Variants in PTPRD observed in about 807,000 individuals in gnomAD.
PTPRD encodes protein tyrosine phosphatase receptor type D.
PTPRD carries 34 observed loss-of-function variants against 214.5 expected under a neutral mutation model. That is an observed-to-expected ratio of 0.16 (90% confidence interval 0.12 to 0.21). The LOEUF (loss-of-function observed/expected upper bound fraction) is 0.21. Ranked by LOEUF, PTPRD falls within the 10% of genes least tolerant of loss-of-function variation. The pLI is 1.00. For missense variants in PTPRD, 2,545 were observed against 2,398.7 expected, an observed-to-expected ratio of 1.06 and a Z score of -1.27; for synonymous variants, 1,128 against 845.7, an observed-to-expected ratio of 1.33 and a Z score of -5.79.
intron 35 of PTPRD, among the ~76,000 whole-genome samples, chr9:8,432,464 G>C (rs984001503): frequency 6.6e-6 from 1 of 152,152 alleles, no homozygotes; most frequent in Non-Finnish European, 1.5e-5. Context: ...CTCAGGATCA[G>C]TGCAAACAGC....
intron 11 of PTPRD, among the ~76,000 whole-genome samples, chr9:8,856,540 A>G (rs2097918652): frequency 6.6e-6 from 1 of 151,846 alleles, no homozygotes; most frequent in Admixed American, 6.6e-5. Flanking sequence ...TGCACATGTA[A>G]ATATATATAT....
At position 10,303,544 on chromosome 9, in the gene PTPRD, G is replaced by A. The variant is rs571577287; in HGVS notation, c.-545+37419C>T. 4.0e-5 allele frequency among the ~76,000 whole-genome samples: 6 copies of A among 151,610 alleles called. No individual in the cohort carries two copies. In the East Asian group the frequency reaches 1.2e-3, roughly 29 times the overall value. On this transcript the variant is annotated intron_variant, in intron 3 of 45. Coordinates refer to ENST00000381196, the MANE Select transcript of PTPRD (RefSeq NM_002839.4). ...GACTAATAAAGAAGAAAAGAGAGAAGGATCAAATAGATGCAATAAAAAATA... is the reference window on the plus strand; with the variant it reads ...GACTAATAAAGAAGAAAAGAGAGAAAGATCAAATAGATGCAATAAAAAATA...
At chr9:9,609,927 C>T (rs1180758479) in intron 7 of PTPRD, among the ~76,000 whole-genome samples, 1 of 152,212 alleles carries the variant, frequency 6.6e-6, no homozygotes, top group African/African-American at 2.4e-5. Flanking sequence ...TAGGCTAATA[C>T]TCCTGATTGG....
chr9:8,615,636 C>T (rs1194306093), intron 14 of PTPRD, among the ~76,000 whole-genome samples: 1 of 152,044 alleles, frequency 6.6e-6, no homozygotes, highest in East Asian at 1.9e-4. Flanking sequence ...ATTTCGTACA[C>T]ATAAAATCCA....
At chr9:9,782,679 C>G (rs1280945809) in intron 5 of PTPRD, among the ~76,000 whole-genome samples, 1 of 152,016 alleles carries the variant, frequency 6.6e-6, no homozygotes, top group Non-Finnish European at 1.5e-5. Flanking sequence ...ATGTGGAAGA[C>G]AAAAGAAGGA....
intron 11 of PTPRD, among the ~76,000 whole-genome samples, chr9:8,838,613 C>T (rs1396107713): frequency 6.6e-6 from 1 of 151,556 alleles, no homozygotes; most frequent in African/African-American, 2.4e-5. Context: ...TTTAGTTTGA[C>T]AGATTTTTTT....
chr9:9,067,144 C>T (rs995201148), intron 10 of PTPRD, among the ~76,000 whole-genome samples: 10 of 152,208 alleles, frequency 6.6e-5, no homozygotes, highest in South Asian at 2.1e-4. Flanking sequence ...TCAGGAGAAT[C>T]GCTTGAACCT....
intron 2 of PTPRD, among the ~76,000 whole-genome samples, chr9:10,515,785 C>T (rs1209627529): frequency 2.6e-5 from 4 of 151,960 alleles, no homozygotes; most frequent in African/African-American, 7.2e-5. Flanking sequence ...ATGCTACTCA[C>T]TGCTTCTATT....
intron 12 of PTPRD, among the ~76,000 whole-genome samples, chr9:8,693,163 A>G (rs1167556273): frequency 6.6e-6 from 1 of 152,184 alleles, no homozygotes; most frequent in Non-Finnish European, 1.5e-5. Context: ...TAAGTTTCAC[A>G]GTTTTTTCCA....
At chr9:9,072,685 A>T (rs955074877) in intron 10 of PTPRD, among the ~76,000 whole-genome samples, 4 of 152,210 alleles carry the variant, frequency 2.6e-5, no homozygotes, top group African/African-American at 7.2e-5. Flanking sequence ...GATTTGTATT[A>T]CTATGATAAT....
At chr9:10,272,065 C>G (rs549694933) in intron 3 of PTPRD, among the ~76,000 whole-genome samples, 4 of 151,978 alleles carry the variant, frequency 2.6e-5, no homozygotes, top group African/African-American at 9.7e-5. Flanking sequence ...AGAAAGAAAC[C>G]CCATACTCTT....
chr9:9,658,300 A>G (rs954075023), intron 7 of PTPRD, among the ~76,000 whole-genome samples: 1 of 152,098 alleles, frequency 6.6e-6, no homozygotes, highest in Non-Finnish European at 1.5e-5. Flanking sequence ...TTTAAACATC[A>G]TTTCGCCTTA....
intron 2 of PTPRD, among the ~76,000 whole-genome samples, chr9:10,363,635 T>C (rs12555307): frequency 0.013 from 1,934 of 152,330 alleles, 162 homozygotes; most frequent in Admixed American, 0.12. Context: ...AGGCAAGATA[T>C]CTTACAGTTA....
chr9:9,998,007 C>T (rs923829695), intron 4 of PTPRD, among the ~76,000 whole-genome samples: 1 of 151,654 alleles, frequency 6.6e-6, no homozygotes, highest in Non-Finnish European at 1.5e-5. Context: ...GACACCTTCT[C>T]CTCCAGCCTC....
chr9:9,676,173 C>T lies in PTPRD; in HGVS notation c.-287+58360G>A, dbSNP rs575012667. Among the ~76,000 whole-genome samples, 28 of 151,930 alleles carry T rather than the reference C, an allele frequency of 1.8e-4. No individual in the cohort carries two copies. In the East Asian group the frequency reaches 2.1e-3, roughly 12 times the overall value. On this transcript the variant is annotated intron_variant, in intron 7 of 45. Coordinates refer to ENST00000381196, the MANE Select transcript of PTPRD (RefSeq NM_002839.4). ...TAAGTTTTAGGGTACATGTGCACAA[C>T]GTGCAGGTTAGTTACGTATGTATAC...
chr9:10,518,768 G>A (rs1028664633), intron 2 of PTPRD, among the ~76,000 whole-genome samples: 13 of 151,818 alleles, frequency 8.6e-5, no homozygotes, highest in East Asian at 1.9e-4. Flanking sequence ...TCCTGACCTC[G>A]TGATCTGCCC....
intron 3 of PTPRD, among the ~76,000 whole-genome samples, chr9:10,152,018 T>C (rs1302215953): frequency 6.6e-6 from 1 of 152,226 alleles, no homozygotes; most frequent in Non-Finnish European, 1.5e-5. Flanking sequence ...GTATAGGTTT[T>C]AGGGAATATG....
intron 11 of PTPRD, among the ~76,000 whole-genome samples, chr9:8,920,023 CAT>C (rs1207877077): frequency 5.3e-5 from 8 of 151,796 alleles, no homozygotes; most frequent in Non-Finnish European, 1.0e-4. Context: ...AACAAGATGA[CAT>C]ATATATGTGT....
At chr9:10,514,418 G>GT in intron 2 of PTPRD, among the ~76,000 whole-genome samples, 1 of 150,936 alleles carries the variant, frequency 6.6e-6, no homozygotes, top group Non-Finnish European at 1.5e-5. Flanking sequence ...ATCATATATA[G>GT]TATATATACA....
Sources: allele counts gnomAD v4.1 joint callset (sites outside exome capture counted in the v4.1 genomes callset), GRCh38; gene constraint gnomAD v4.1.1; transcripts MANE v1.5; gene names NCBI Gene and HGNC (gene_info 2026-07-23, HGNC 2026-07-21).